Variants in ADGRL2 observed in about 807,000 individuals in gnomAD.
ADGRL2 encodes the protein adhesion G protein-coupled receptor L2, also known as calcium-independent alpha-latrotoxin receptor 2.
Under a neutral mutation model 157.4 loss-of-function variants are expected in ADGRL2, and 44 were observed. The ratio of observed to expected loss-of-function variants is 0.28; its 90% CI spans 0.22 to 0.36. The LOEUF (loss-of-function observed/expected upper bound fraction) is 0.36, where lower values mean the gene tolerates loss of function less well. Ranked by LOEUF, ADGRL2 falls within the 10% of genes least tolerant of loss-of-function variation. The probability of loss-of-function intolerance (pLI) is 1.00; values close to 1 mark genes in which losing one functional copy is unlikely to be tolerated. For synonymous variants in ADGRL2, 585 were observed against 624.7 expected, an observed-to-expected ratio of 0.94 and a Z score of 0.95; for missense variants, 1,510 against 1,768.9, an observed-to-expected ratio of 0.85 and a Z score of 2.63.
In ADGRL2 at chr1:81,616,679, C is replaced by T. The variant is rs146435812; in HGVS notation, c.-143+35699C>T. ...TTTTTCTTTTCTTTTCTTTTCTTTT[C>T]TTTTTTTTTTTTTTTGAGACAGGGT... On this transcript the variant is annotated intron_variant, in intron 3 of 24. Coordinates refer to the ADGRL2 transcript ENST00000370721. Among the ~76,000 whole-genome samples, 410 of 105,904 alleles carry T rather than the reference C, an allele frequency of 3.9e-3. 1 individual carries two copies. Among genetic ancestry groups the T allele is most frequent in the Middle Eastern group, 6.8e-3 (1 of 146 alleles). 69.5% of individuals were successfully genotyped at this position (105,904 alleles called of 152,430 possible).
chr1:81,934,633 A>G (rs1213632121), intron 3 of ADGRL2, among the ~76,000 whole-genome samples: 1 of 152,016 alleles, frequency 6.6e-6, no homozygotes, highest in African/African-American at 2.4e-5. Flanking sequence ...TTGATATGAG[A>G]GGAGCCTTTT....
chr1:81,980,505 A>T (rs1299339488), intron 18 of ADGRL2, among the ~76,000 whole-genome samples: 1 of 151,834 alleles, frequency 6.6e-6, no homozygotes, highest in Non-Finnish European at 1.5e-5. Context: ...GCTGTTGTTC[A>T]TTAAATCATC....
chr1:81,691,878 G>GTATATATA (rs755115574), intron 3 of ADGRL2, among the ~76,000 whole-genome samples: 5,457 of 122,308 alleles, frequency 0.045, 248 homozygotes, highest in Non-Finnish European at 0.068. Context: ...GTGTGTGTGT[G>GTATATATA]TGTATATATA....
At chr1:81,975,005 AT>A (rs902358890) in intron 17 of ADGRL2, among the ~76,000 whole-genome samples, 10 of 149,972 alleles carry the variant, frequency 6.7e-5, no homozygotes, top group Admixed American at 2.7e-4. Flanking sequence ...CTGAATAAGG[AT>A]TTTTTTTTTC....
chr1:81,342,081 T>A (rs1041656702), intron 1 of ADGRL2, among the ~76,000 whole-genome samples: 18 of 152,098 alleles, frequency 1.2e-4, no homozygotes, highest in South Asian at 2.1e-4. Context: ...ACTGAACCTG[T>A]GAAACAAAGA....
At chr1:81,326,980 C>T (rs945926480) in intron 1 of ADGRL2, among the ~76,000 whole-genome samples, 2 of 152,260 alleles carry the variant, frequency 1.3e-5, no homozygotes, top group African/African-American at 4.8e-5. Context: ...ACATCAAACT[C>T]GGATTTCCCT....
chr1:81,652,866 G>A (rs1164860962), intron 3 of ADGRL2, among the ~76,000 whole-genome samples: 3 of 152,104 alleles, frequency 2.0e-5, no homozygotes, highest in African/African-American at 7.2e-5. Flanking sequence ...ATATGGCTTA[G>A]TTTTGCCAGT....
Position 81,981,798 on chromosome 1 carries a change from ATT to A in ADGRL2, c.3114-6_3114-5del. 6.3e-7 allele frequency: 1 copy of A among 1,596,606 alleles called. No individual in the cohort carries two copies. The highest frequency in any genetic ancestry group is 8.5e-7 in the Non-Finnish European group (1 of 1,174,170). Reference sequence around the variant, plus strand: ...TGAACCTGTTAAAAAAGTTCACTTTATTTTTCCAGGTCTTGGGTGCTTGGCGC... The same window carrying A: ...TGAACCTGTTAAAAAAGTTCACTTTATTTCCAGGTCTTGGGTGCTTGGCGC... On this transcript the variant is annotated splice_region_variant and splice_polypyrimidine_tract_variant and intron_variant, in intron 18 of 23. Coordinates refer to ENST00000686636, the MANE Select transcript of ADGRL2 (RefSeq NM_001366006.2).
intron 2 of ADGRL2, among the ~76,000 whole-genome samples, chr1:81,903,406 A>T (rs1175596188): frequency 6.6e-6 from 1 of 152,134 alleles, no homozygotes; most frequent in African/African-American, 2.4e-5. Context: ...TTTTATCAGC[A>T]AAATGGCTTG....
At chr1:81,667,682 T>C (rs930901470) in intron 3 of ADGRL2, among the ~76,000 whole-genome samples, 4 of 152,144 alleles carry the variant, frequency 2.6e-5, no homozygotes, top group Admixed American at 2.6e-4. Flanking sequence ...TAGTATAAAG[T>C]AGGCATAAAA....
chr1:81,646,931 C>T (rs1233286561), intron 3 of ADGRL2, among the ~76,000 whole-genome samples: 1 of 152,198 alleles, frequency 6.6e-6, no homozygotes, highest in African/African-American at 2.4e-5. Context: ...CTTTTATCAA[C>T]TCTTAAGTGG....
At chr1:81,333,406 A>AATTT (rs1432854156) in intron 1 of ADGRL2, among the ~76,000 whole-genome samples, 1 of 123,396 alleles carries the variant, frequency 8.1e-6, no homozygotes, top group Non-Finnish European at 1.7e-5. Context: ...TTAATTAATT[A>AATTT]ATTAATTTAT....
Position 81,565,450 on chromosome 1 carries a change from T to C in ADGRL2, c.-247-15426T>C, listed in dbSNP as rs575352067. Among the ~76,000 whole-genome samples, 5 of 152,304 alleles carry C rather than the reference T, an allele frequency of 3.3e-5. No homozygotes were observed. In the East Asian group the frequency reaches 9.6e-4, roughly 29 times the overall value. On this transcript the variant is annotated intron_variant, in intron 2 of 24. Transcript: ENST00000370721. The stretch of plus-strand genomic sequence containing the variant: ...AAGCGCTATGAGTATCCACATTTGT[T>C]GTTGATCTACTAAAGAGAAAAAAAG...
chr1:81,585,508 A>T (rs2081007770), intron 3 of ADGRL2, among the ~76,000 whole-genome samples: 1 of 152,142 alleles, frequency 6.6e-6, no homozygotes, highest in Non-Finnish European at 1.5e-5. Flanking sequence ...TATGGTAAGG[A>T]CATATCAAAC....
At chr1:81,331,733 G>A (rs755922007) in intron 1 of ADGRL2, among the ~76,000 whole-genome samples, 29 of 152,190 alleles carry the variant, frequency 1.9e-4, no homozygotes, top group Non-Finnish European at 4.0e-4. Context: ...CATTTTACAT[G>A]CCATAGATTT....
intron 1 of ADGRL2, among the ~76,000 whole-genome samples, chr1:81,371,182 A>G (rs1270288196): frequency 2.0e-5 from 3 of 152,232 alleles, no homozygotes; most frequent in Middle Eastern, 3.2e-3. Flanking sequence ...CAAGGCTACT[A>G]GAACCGACCA....
chr1:81,465,210 T>C (rs947100004), intron 2 of ADGRL2, among the ~76,000 whole-genome samples: 11 of 152,130 alleles, frequency 7.2e-5, no homozygotes, highest in African/African-American at 1.4e-4. Flanking sequence ...AAAGCAATAA[T>C]TCTTTCAATA....
At chr1:81,951,847 G>C in intron 8 of ADGRL2, 110 bp from the exon 9 acceptor site, 1 of 713,292 alleles carries the variant, frequency 1.4e-6, no homozygotes, top group Non-Finnish European at 2.2e-6. Context: ...ATTAGTTGGA[G>C]AATTTAACAT....
chr1:81,434,900 A>G (rs1273284317), intron 1 of ADGRL2, among the ~76,000 whole-genome samples: 1 of 152,152 alleles, frequency 6.6e-6, no homozygotes, highest in Non-Finnish European at 1.5e-5. Flanking sequence ...GAGTTGTAAA[A>G]TCTGTGAAAT....
Sources: allele counts gnomAD v4.1 joint callset (sites outside exome capture counted in the v4.1 genomes callset), GRCh38; gene constraint gnomAD v4.1.1; transcripts MANE v1.5; gene names NCBI Gene and HGNC (gene_info 2026-07-23, HGNC 2026-07-21).